Variants in PRICKLE1 observed in about 807,000 individuals in gnomAD.
The protein encoded by PRICKLE1 is prickle planar cell polarity protein 1.
A neutral mutation model predicts 70.2 loss-of-function variants in PRICKLE1; 14 were observed. That is an observed-to-expected ratio of 0.20 (90% CI 0.13 to 0.31). The LOEUF (loss-of-function observed/expected upper bound fraction) is 0.31, where lower values mean the gene tolerates loss of function less well. Ranked by LOEUF, PRICKLE1 falls within the 10% of genes least tolerant of loss-of-function variation. PRICKLE1 has a pLI of 1.00. For synonymous variants in PRICKLE1, 357 were observed against 379.9 expected (o/e 0.94, Z 0.70); for missense variants, 821 against 1,026.2 (o/e 0.80, Z 2.73).
chr12:42,466,062 A>T lies in PRICKLE1; in HGVS notation c.775+132T>A, dbSNP rs1312782729. 8.3e-6 allele frequency: 8 copies of T among 966,906 alleles called. No individual in the cohort carries two copies. In the East Asian group the frequency reaches 1.5e-4, roughly 18 times the overall value. The allele number at this position is 966,906 out of a possible 1,614,324, so 59.9% of individuals were successfully genotyped here. The stretch of plus-strand genomic sequence containing the variant: ...TCAAAGCTCATCAGCTGGAACATTT[A>T]AGATCTGTACATTTCATTGTATGTA... On this transcript the variant is annotated intron_variant, in intron 6 of 7. Coordinates refer to ENST00000345127, the MANE Select transcript of PRICKLE1 (RefSeq NM_153026.3).
chr12:42,559,558 A>G, intron 1 of PRICKLE1, among the ~76,000 whole-genome samples: 1 of 147,694 alleles, frequency 6.8e-6, no homozygotes, highest in Admixed American at 7.0e-5. Context: ...TTTTTAAAAA[A>G]CACAAATGTA....
intron 1 of PRICKLE1, among the ~76,000 whole-genome samples, chr12:42,569,323 G>A (rs192789266): frequency 7.2e-5 from 11 of 152,304 alleles, no homozygotes; most frequent in Admixed American, 1.3e-4. Flanking sequence ...CATAATGCCC[G>A]TAGAGTTGCA....
chr12:42,572,991 C>T (rs370400138), intron 1 of PRICKLE1, among the ~76,000 whole-genome samples: 4 of 151,248 alleles, frequency 2.6e-5, no homozygotes, highest in Admixed American at 1.3e-4. Context: ...ATCCAGGCTA[C>T]GGTCCTCAGT....
In PRICKLE1 at chr12:42,464,988, G is replaced by C. The variant is rs2140102005; in HGVS notation, c.1046C>G (p.Ser349Cys). The change falls in exon 7 of 8, where the codon TCT (serine) becomes TGT (cysteine). Residue 349 changes from serine to cysteine, a missense_variant. Ser to Cys is a moderately radical substitution (Grantham distance 112). Coordinates refer to ENST00000345127, the MANE Select transcript of PRICKLE1 (RefSeq NM_153026.3). The surrounding 1 kb of genome is among the most constrained non-coding windows in gnomAD (Gnocchi z 4.2). ...GTTCAGAGCAGGCGATAAGAGGAGA[G>C]ACTGTCTACACTGATCTGCTGACCG... is the stretch of plus-strand genomic sequence containing the variant. ...SSRSADQCRQ[S>C]LLLSPALNYK... The C allele has an allele frequency of 6.2e-7, 1 of 1,613,986 alleles. No individual in the cohort carries two copies. The highest frequency in any genetic ancestry group is 8.5e-7 in the Non-Finnish European group (1 of 1,179,952).
chr12:42,508,546 A>G (rs1359147914), intron 1 of PRICKLE1, among the ~76,000 whole-genome samples: 4 of 152,210 alleles, frequency 2.6e-5, no homozygotes, highest in African/African-American at 4.8e-5. Context: ...AAATTCATCA[A>G]CAGGACTCAT....
At chr12:42,519,193 CTTTTTTT>C (rs11342397) in intron 1 of PRICKLE1, among the ~76,000 whole-genome samples, 6 of 99,208 alleles carry the variant, frequency 6.0e-5, no homozygotes, top group Admixed American at 2.8e-4. Flanking sequence ...CCTTTTTTTC[CTTTTTTT>C]TTTTTTTTTT....
rs1229615759 is a variant in PRICKLE1, at chr12:42,463,930, CAT to C, written c.1639+463_1639+464del. On this transcript the variant is annotated intron_variant, in intron 7 of 7. Coordinates refer to ENST00000345127, the MANE Select transcript of PRICKLE1 (RefSeq NM_153026.3). The stretch of plus-strand genomic sequence containing the variant: ...TTTATGCACATGCACTCACCTCACA[CAT>C]GTGTTTGTTTTGCTAGTGTTTGGTA... 5.3e-5 allele frequency among the ~76,000 whole-genome samples: 8 copies of C among 152,230 alleles called. 1 individual carries two copies. The highest frequency in any genetic ancestry group is 1.4e-4 in the African/African-American group (6 of 41,462).
chr12:42,527,554 T>C (rs975931271), intron 1 of PRICKLE1, among the ~76,000 whole-genome samples: 2 of 152,176 alleles, frequency 1.3e-5, no homozygotes, highest in Non-Finnish European at 2.9e-5. Context: ...AGAAGTCCCA[T>C]TTCATGACAA....
At chr12:42,534,243 C>T (rs1473943343) in intron 1 of PRICKLE1, among the ~76,000 whole-genome samples, 3 of 152,124 alleles carry the variant, frequency 2.0e-5, no homozygotes, top group Non-Finnish European at 4.4e-5. Flanking sequence ...GGACAATCTC[C>T]ACTGAAGATG....
intron 1 of PRICKLE1, among the ~76,000 whole-genome samples, chr12:42,491,299 T>A (rs1485729205): frequency 6.6e-6 from 1 of 151,140 alleles, no homozygotes. Context: ...ACATCTGTAA[T>A]CCTAGCACTT....
intron 1 of PRICKLE1, among the ~76,000 whole-genome samples, chr12:42,504,422 C>T (rs531704805): frequency 1.5e-4 from 23 of 152,214 alleles, no homozygotes; most frequent in Non-Finnish European, 3.1e-4. Context: ...AAAATCTGCA[C>T]GGAACTAGCG....
At chr12:42,497,033 C>T (rs1566101948) in intron 1 of PRICKLE1, among the ~76,000 whole-genome samples, 1 of 152,202 alleles carries the variant, frequency 6.6e-6, no homozygotes, top group Non-Finnish European at 1.5e-5. Flanking sequence ...TGGCCTCTCT[C>T]AGCTTTTAAC....
At chr12:42,512,570 C>T (rs1202742773) in intron 1 of PRICKLE1, among the ~76,000 whole-genome samples, 1 of 152,178 alleles carries the variant, frequency 6.6e-6, no homozygotes, top group Non-Finnish European at 1.5e-5. Context: ...CCTGCCCTCT[C>T]CCTATTCCAC....
rs1013306925 is a variant in PRICKLE1 at position 42,459,120 on chromosome 12, C to T, written c.*689G>A. The T allele has an allele frequency of 2.2e-5, 11 of 508,132 alleles. No individual in the cohort carries two copies. Among genetic ancestry groups the T allele is most frequent in the Admixed American group, 6.2e-5 (2 of 32,304 alleles). The allele number at this position is 508,132 out of a possible 1,614,324, so 31.5% of individuals were successfully genotyped here. ...AAATCTAGCACTGCAGCGTAACAAA[C>T]GGCTTACAATTCAGGGATATAAAAA... On this transcript the variant is annotated 3_prime_UTR_variant, in exon 8 of 8. Coordinates refer to ENST00000345127, the MANE Select transcript of PRICKLE1 (RefSeq NM_153026.3).
chr12:42,508,318 C>T (rs1208046303), intron 1 of PRICKLE1, among the ~76,000 whole-genome samples: 1 of 152,162 alleles, frequency 6.6e-6, no homozygotes, highest in Admixed American at 6.5e-5. Context: ...ATTAGAATAT[C>T]CTATACCATT....
intron 1 of PRICKLE1, among the ~76,000 whole-genome samples, chr12:42,521,544 A>C (rs1030666525): frequency 1.7e-4 from 26 of 152,240 alleles, no homozygotes; most frequent in African/African-American, 6.3e-4. Context: ...TACAAAAATT[A>C]CAAAAATTAG....
chr12:42,460,265 C>T lies in PRICKLE1; in HGVS notation c.2040G>A (p.Lys680=). The T allele has an allele frequency of 6.2e-7, 1 of 1,614,152 alleles. No individual in the cohort carries two copies. The highest frequency in any genetic ancestry group is 8.5e-7 in the Non-Finnish European group (1 of 1,180,038). The change falls in exon 8 of 8, where the codon AAG becomes AAA. Residue 680 remains lysine, a synonymous_variant. Transcript: ENST00000345127. ...SHHHRRRRSR[K]SRSDNALNLV... The stretch of plus-strand genomic sequence containing the variant: ...GATTCAGGGCATTGTCGGAGCGGGA[C>T]TTTCTACTTCTCCGGCGGCGGTGGT...
chr12:42,512,179 G>C (rs1457690011), intron 1 of PRICKLE1, among the ~76,000 whole-genome samples: 1 of 152,064 alleles, frequency 6.6e-6, no homozygotes, highest in East Asian at 1.9e-4. Flanking sequence ...TATGTGTTTT[G>C]GTTTTTTTGG....
intron 1 of PRICKLE1, among the ~76,000 whole-genome samples, chr12:42,492,939 T>C (rs1169346420): frequency 6.6e-6 from 1 of 152,228 alleles, no homozygotes; most frequent in Non-Finnish European, 1.5e-5. Context: ...TAGATATTTA[T>C]GGAGTGGTGA....
Sources: allele counts gnomAD v4.1 joint callset (sites outside exome capture counted in the v4.1 genomes callset), GRCh38; gene constraint gnomAD v4.1.1; non-coding constraint Gnocchi (gnomAD v3.1); transcripts MANE v1.5; gene names NCBI Gene and HGNC (gene_info 2026-07-23, HGNC 2026-07-21).